TMEM267: variants seen among roughly 807,000 people sequenced by gnomAD.
TMEM267 encodes the protein transmembrane protein 267.
Under a neutral mutation model 19.3 loss-of-function variants are expected in TMEM267, and 20 were observed. That is an observed-to-expected ratio of 1.04 (90% CI 0.73 to 1.51). TMEM267 has a LOEUF of 1.51. Ranked by LOEUF, TMEM267 falls within the 40% of genes most tolerant of loss-of-function variation. The pLI is 0.00. For missense variants in TMEM267, 242 were observed against 261.9 expected (o/e 0.92, Z 0.52); for synonymous variants, 88 against 90.3 (o/e 0.97, Z 0.15).
intron 1 of TMEM267, among the ~76,000 whole-genome samples, chr5:43,476,698 A>G (rs1326830772): frequency 6.6e-6 from 1 of 151,886 alleles, no homozygotes; most frequent in African/African-American, 2.4e-5. Flanking sequence ...TTGAAAAAAA[A>G]GTAGCATAAT....
At chr5:43,452,533 C>G (rs971351507) in intron 2 of TMEM267, among the ~76,000 whole-genome samples, 3 of 151,428 alleles carry the variant, frequency 2.0e-5, no homozygotes, top group African/African-American at 7.3e-5. Context: ...TCAGACTTTA[C>G]CGCTATGCAA....
rs542925506 is a variant in TMEM267, at chr5:43,445,246, G to A, written c.*976C>T. 1.3e-5 allele frequency: 2 copies of A among 151,838 alleles called. No homozygotes were observed. The highest frequency in any genetic ancestry group is 2.4e-5 in the African/African-American group (1 of 41,350). The allele number at this position is 151,838 out of a possible 1,614,324, so 9.4% of individuals were successfully genotyped here. A position where few individuals can be genotyped will look rare whatever the true frequency, so the allele number is the denominator to read the frequency against. On this transcript the variant is annotated 3_prime_UTR_variant, in exon 3 of 3. Coordinates refer to ENST00000397080, the MANE Select transcript of TMEM267 (RefSeq NM_022483.5). The stretch of plus-strand genomic sequence containing the variant: ...AGCAAATTTCCTAAAACTTTATTTT[G>A]AAAAAAATATATGCTGTCTTTCAGT...
At chr5:43,470,401 G>A (rs763381543) in intron 1 of TMEM267, among the ~76,000 whole-genome samples, 4 of 152,106 alleles carry the variant, frequency 2.6e-5, no homozygotes, top group African/African-American at 4.8e-5. Flanking sequence ...TTCAGCCTCC[G>A]AAAGTGCTGG....
intron 1 of TMEM267, among the ~76,000 whole-genome samples, chr5:43,455,126 T>C (rs1361624407): frequency 6.6e-6 from 1 of 152,152 alleles, no homozygotes; most frequent in Admixed American, 6.5e-5. Flanking sequence ...TTAAGTTTCA[T>C]TATAAAGCTA....
chr5:43,447,048 A>C (rs1352510369), intron 2 of TMEM267, among the ~76,000 whole-genome samples: 1 of 151,722 alleles, frequency 6.6e-6, no homozygotes, highest in East Asian at 1.9e-4. Context: ...AAATTATATT[A>C]TTTTAAATAC....
Position 43,454,169 on chromosome 5 carries a change from A to G in TMEM267, c.-74-126T>C, listed in dbSNP as rs2112050144. The G allele has an allele frequency of 5.1e-6, 3 of 587,688 alleles. No homozygotes were observed. The South Asian group carries it at 8.5e-5, about 17-fold the overall frequency. The allele number at this position is 587,688 out of a possible 1,614,324, so 36.4% of individuals were successfully genotyped here. On this transcript the variant is annotated intron_variant, in intron 1 of 2. Coordinates refer to ENST00000397080, the MANE Select transcript of TMEM267 (RefSeq NM_022483.5). Reference sequence around the variant, plus strand: ...AGATGTAAATACTGGCAACTTTTACATGTTATATATAATATGTCACATAGC... The same window carrying G: ...AGATGTAAATACTGGCAACTTTTACGTGTTATATATAATATGTCACATAGC...
rs1391253222 is a variant in TMEM267 at position 43,444,760 on chromosome 5, C to CTA, written c.*1460_*1461dup. 6.6e-6 allele frequency: 1 copy of CTA among 151,956 alleles called. No individual in the cohort carries two copies. The highest frequency in any genetic ancestry group is 1.5e-5 in the Non-Finnish European group (1 of 67,994). The allele number at this position is 151,956 out of a possible 1,614,324, so 9.4% of individuals were successfully genotyped here. A position where few individuals can be genotyped will look rare whatever the true frequency, so the allele number is the denominator to read the frequency against. On this transcript the variant is annotated 3_prime_UTR_variant, in exon 3 of 3. Transcript: ENST00000397080. Reference sequence around the variant, plus strand: ...AAAACTCTAATCAAATTTACCCCCACTATATAATATTTACCATTATACCAA... The same window carrying CTA: ...AAAACTCTAATCAAATTTACCCCCACTATATATAATATTTACCATTATACCAA...
chr5:43,446,978 T>A (rs896835469), intron 2 of TMEM267, among the ~76,000 whole-genome samples: 2 of 152,176 alleles, frequency 1.3e-5, no homozygotes, highest in Non-Finnish European at 2.9e-5. Flanking sequence ...GAAATATTTT[T>A]GTTATATCCA....
At chr5:43,462,006 A>G (rs1343862082) in intron 1 of TMEM267, among the ~76,000 whole-genome samples, 2 of 152,240 alleles carry the variant, frequency 1.3e-5, no homozygotes, top group African/African-American at 2.4e-5. Flanking sequence ...TGCTGGGTTC[A>G]GGTCTGACCC....
intron 2 of TMEM267, among the ~76,000 whole-genome samples, chr5:43,448,793 C>CA (rs1554031179): frequency 0.035 from 5,220 of 150,326 alleles, 253 homozygotes; most frequent in African/African-American, 0.12. Flanking sequence ...AACCCCCCCC[C>CA]ACAAAAAAAA....
At chr5:43,480,902 A>G (rs1488241728) in intron 1 of TMEM267, among the ~76,000 whole-genome samples, 1 of 136,882 alleles carries the variant, frequency 7.3e-6, no homozygotes, top group East Asian at 2.1e-4. Context: ...TCCCGGGTTC[A>G]TGCCACTCTC....
At chr5:43,455,142 G>C (rs569251357) in intron 1 of TMEM267, among the ~76,000 whole-genome samples, 10 of 152,158 alleles carry the variant, frequency 6.6e-5, no homozygotes, top group African/African-American at 2.4e-4. Flanking sequence ...AGCTACAGTA[G>C]GCTGGGCACA....
chr5:43,452,620 A>G (rs551525933), intron 2 of TMEM267, among the ~76,000 whole-genome samples: 25 of 151,564 alleles, frequency 1.6e-4, no homozygotes, highest in African/African-American at 5.8e-4. Flanking sequence ...AAAGAAAAGT[A>G]CTCTACTAAC....
intron 2 of TMEM267, among the ~76,000 whole-genome samples, chr5:43,448,410 A>G (rs2112008119): frequency 6.6e-6 from 1 of 152,324 alleles, no homozygotes; most frequent in East Asian, 1.9e-4. Context: ...AGAATCATGT[A>G]ATATCATGAA....
At chr5:43,469,437 G>A (rs909501261) in intron 1 of TMEM267, among the ~76,000 whole-genome samples, 5 of 152,062 alleles carry the variant, frequency 3.3e-5, no homozygotes, top group Non-Finnish European at 7.4e-5. Flanking sequence ...TTATCCCCGG[G>A]ATGCAATGAT....
chr5:43,458,944 T>C lies in TMEM267; in HGVS notation c.-74-4901A>G, dbSNP rs368490464. On this transcript the variant is annotated intron_variant, in intron 1 of 2. Coordinates refer to ENST00000397080, the MANE Select transcript of TMEM267 (RefSeq NM_022483.5). ...AAGGGGAAAATATAAGACAAAGAGT[T>C]GGGCATTGAAAAAAAATTTCCAAAA... 9.9e-5 allele frequency among the ~76,000 whole-genome samples: 15 copies of C among 151,848 alleles called. No homozygotes were observed. In the East Asian group the frequency reaches 1.2e-3, roughly 12 times the overall value.
chr5:43,449,209 T>C (rs1579782421), intron 2 of TMEM267, among the ~76,000 whole-genome samples: 1 of 151,974 alleles, frequency 6.6e-6, no homozygotes, highest in Admixed American at 6.6e-5. Context: ...GAGGCAGAGG[T>C]TGCAGTGAGC....
intron 1 of TMEM267, among the ~76,000 whole-genome samples, chr5:43,469,658 T>C (rs144562732): frequency 2.7e-3 from 418 of 152,330 alleles, no homozygotes; most frequent in Non-Finnish European, 4.5e-3. Flanking sequence ...AGTATCATAC[T>C]GTGAAAGGAA....
chr5:43,450,604 G>A (rs1161305439), intron 2 of TMEM267, among the ~76,000 whole-genome samples: 1 of 152,166 alleles, frequency 6.6e-6, no homozygotes, highest in Non-Finnish European at 1.5e-5. Flanking sequence ...CCCCCATACT[G>A]TGCAGTTAAT....
Sources: gnomAD v4.1 joint callset for allele counts (sites outside exome capture counted in the v4.1 genomes callset) on GRCh38, gnomAD v4.1.1 for gene constraint, MANE v1.5 for transcripts, NCBI Gene and HGNC (gene_info 2026-07-23, HGNC 2026-07-21) for gene names.